The following MEF2C variants were observed in gnomAD, a reference collection of about 807,000 sequenced individuals.
The protein encoded by MEF2C is myocyte enhancer factor 2C, also known as myocyte-specific enhancer factor 2C.
Under a neutral mutation model 50.5 loss-of-function variants are expected in MEF2C, and 6 were observed. The observed-to-expected ratio is 0.12, with a 90% CI of 0.07 to 0.23. The LOEUF (loss-of-function observed/expected upper bound fraction) is 0.23, where lower values mean the gene tolerates loss of function less well. Ranked by LOEUF, MEF2C falls within the 10% of genes least tolerant of loss-of-function variation. The probability of loss-of-function intolerance (pLI) is 1.00; values close to 1 mark genes in which losing one functional copy is unlikely to be tolerated. For missense variants in MEF2C, 276 were observed against 605.0 expected (o/e 0.46, Z 5.70); for synonymous variants, 183 against 228.0 (o/e 0.80, Z 1.78).
intron 1 of MEF2C, among the ~76,000 whole-genome samples, chr5:88,845,121 C>G (rs1305977814): frequency 6.6e-6 from 1 of 152,148 alleles, no homozygotes; most frequent in Admixed American, 6.5e-5. Flanking sequence ...TGTTTTAATT[C>G]CATGTTAATT....
chr5:88,888,146 A>G (rs2150191134), upstream of MEF2C: 1 of 152,392 alleles, frequency 6.6e-6, no homozygotes, highest in Middle Eastern at 3.4e-3. Context: ...TACGGTTTAT[A>G]AATTCTATTA....
intron 2 of MEF2C, among the ~76,000 whole-genome samples, chr5:88,812,561 T>G (rs1225053240): frequency 1.3e-5 from 2 of 152,100 alleles, no homozygotes; most frequent in Non-Finnish European, 2.9e-5. Context: ...GCATATCAGA[T>G]TTCTTATATT....
At chr5:88,837,724 A>G (rs902258339) in intron 1 of MEF2C, among the ~76,000 whole-genome samples, 1 of 152,206 alleles carries the variant, frequency 6.6e-6, no homozygotes, top group Non-Finnish European at 1.5e-5. Context: ...TATTGTTTGG[A>G]TAAATAGAAT....
intron 3 of MEF2C, among the ~76,000 whole-genome samples, chr5:88,792,251 G>C (rs1464073849): frequency 6.6e-6 from 1 of 151,952 alleles, no homozygotes; most frequent in Non-Finnish European, 1.5e-5. Flanking sequence ...AAAAAATACA[G>C]TATACTTCAC....
intron 1 of MEF2C, among the ~76,000 whole-genome samples, chr5:88,865,115 T>G (rs1280001825): frequency 6.6e-6 from 1 of 152,060 alleles, no homozygotes; most frequent in African/African-American, 2.4e-5. Context: ...CAGGCTGGTC[T>G]CAAACTCCTG....
intron 1 of MEF2C, among the ~76,000 whole-genome samples, chr5:88,834,074 C>T (rs1814082177): frequency 6.6e-6 from 1 of 150,608 alleles, no homozygotes; most frequent in Non-Finnish European, 1.5e-5. Flanking sequence ...CATGACTGCC[C>T]TGGCTCACTG....
At chr5:88,883,519 G>C (rs78821200), upstream of MEF2C, 6 of 60,928 alleles carry the variant, frequency 9.8e-5, no homozygotes, top group African/African-American at 3.8e-4. Flanking sequence ...GGGCGGGGGG[G>C]ATTGAAGGAT....
At chr5:88,856,410 A>C (rs1823363379) in intron 1 of MEF2C, among the ~76,000 whole-genome samples, 1 of 152,152 alleles carries the variant, frequency 6.6e-6, no homozygotes, top group African/African-American at 2.4e-5. Flanking sequence ...GAAAAGAAAA[A>C]CCCATTTTTT....
In MEF2C at chr5:88,794,781, C is replaced by G. The variant is rs780885685; in HGVS notation, c.258+9817G>C. On this transcript the variant is annotated intron_variant, in intron 3 of 10. Transcript: ENST00000504921. ...AGGGTTTTTATGGTTTTAGGCCTTA[C>G]GTTTAAGTCTTTAATCCATCTACAG... 6.4e-4 allele frequency among the ~76,000 whole-genome samples: 98 copies of G among 152,206 alleles called. 1 individual carries two copies. The highest frequency in any genetic ancestry group is 1.1e-3 in the Non-Finnish European group (78 of 68,008).
chr5:88,880,349 G>A (rs1303844958), intron 1 of MEF2C, among the ~76,000 whole-genome samples: 1 of 151,988 alleles, frequency 6.6e-6, no homozygotes, highest in Non-Finnish European at 1.5e-5. Context: ...TTCGAATCAT[G>A]TCCCCAAAGC....
chr5:88,798,969 G>C (rs986058482), intron 3 of MEF2C, among the ~76,000 whole-genome samples: 2 of 152,212 alleles, frequency 1.3e-5, no homozygotes, highest in Non-Finnish European at 2.9e-5. Context: ...AACACCAGCA[G>C]AGGCTGGAGA....
chr5:88,887,920 T>TAGA (rs1834170259), upstream of MEF2C, among the ~76,000 whole-genome samples: 1 of 152,236 alleles, frequency 6.6e-6, no homozygotes, highest in African/African-American at 2.4e-5. Context: ...GGTTTACACA[T>TAGA]ATCTAAGGAT....
chr5:88,772,668 A>G (rs1782905298), intron 3 of MEF2C: 1 of 918,226 alleles, frequency 1.1e-6, no homozygotes, highest in South Asian at 5.0e-5. Flanking sequence ...GGTATCCTCA[A>G]CTTCTTCCCA....
chr5:88,851,263 T>C lies in MEF2C; in HGVS notation c.-142-27333A>G, dbSNP rs1264567145. 2.7e-5 allele frequency among the ~76,000 whole-genome samples: 4 copies of C among 150,298 alleles called. No homozygotes were observed. The East Asian group carries it at 5.8e-4, about 22-fold the overall frequency. ...AAAAAAAAAAAAAAAGAATGCAGTA[T>C]ATAATACATATAACACACAAAGTAT... On this transcript the variant is annotated intron_variant, in intron 1 of 10. Transcript: ENST00000504921.
chr5:88,903,470 A>G (rs1007949080), intron 1 of MEF2C, among the ~76,000 whole-genome samples: 2 of 152,004 alleles, frequency 1.3e-5, no homozygotes, highest in Non-Finnish European at 2.9e-5. Context: ...TGTAGCATGC[A>G]CACATTTTAA....
chr5:88,800,009 C>T (rs1302974030), intron 3 of MEF2C, among the ~76,000 whole-genome samples: 1 of 152,096 alleles, frequency 6.6e-6, no homozygotes, highest in Non-Finnish European at 1.5e-5. Context: ...GCAGGAGTTA[C>T]ATCCATCTCT....
At chr5:88,759,221 G>C (rs965726767) in intron 4 of MEF2C, among the ~76,000 whole-genome samples, 3 of 152,050 alleles carry the variant, frequency 2.0e-5, no homozygotes, top group Non-Finnish European at 2.9e-5. Context: ...AGTGGCTCAC[G>C]CCTGTAATCC....
At chr5:88,743,601 T>G (rs1767918877) in intron 6 of MEF2C, 2 of 981,702 alleles carry the variant, frequency 2.0e-6, no homozygotes, top group Non-Finnish European at 2.4e-6. Context: ...TGTAAAAATA[T>G]TTGTTTCTTA....
At chr5:88,858,901 T>C (rs559677475) in intron 1 of MEF2C, among the ~76,000 whole-genome samples, 4 of 152,296 alleles carry the variant, frequency 2.6e-5, no homozygotes, top group Admixed American at 2.0e-4. Flanking sequence ...CCCAGGAAGG[T>C]AGTAGTGAGA....
Sources: allele counts gnomAD v4.1 joint callset (sites outside exome capture counted in the v4.1 genomes callset), GRCh38; gene constraint gnomAD v4.1.1; transcripts MANE v1.5; gene names NCBI Gene and HGNC (gene_info 2026-07-23, HGNC 2026-07-21).